IMMP2L: variants seen among roughly 807,000 people sequenced by gnomAD.
IMMP2L encodes the protein inner mitochondrial membrane peptidase subunit 2.
In IMMP2L, 18 loss-of-function variants were observed where a neutral mutation model predicts 19.3. The observed-to-expected ratio is 0.93, with a 90% CI of 0.64 to 1.38. The LOEUF (loss-of-function observed/expected upper bound fraction) is 1.38. Among genes scored for constraint, IMMP2L ranks in the 40% most tolerant of loss-of-function variants. IMMP2L has a pLI of 0.00. For synonymous variants in IMMP2L, 76 were observed against 73.0 expected (o/e 1.04, Z -0.21); for missense variants, 233 against 218.2 (o/e 1.07, Z -0.43).
chr7:110,684,377 A>G (rs1448093419), intron 5 of IMMP2L, among the ~76,000 whole-genome samples: 1 of 152,062 alleles, frequency 6.6e-6, no homozygotes, highest in Non-Finnish European at 1.5e-5. Context: ...AATGACAGAG[A>G]CAAATTAATT....
At chr7:111,469,068 A>C (rs1217239857) in intron 3 of IMMP2L, among the ~76,000 whole-genome samples, 1 of 152,028 alleles carries the variant, frequency 6.6e-6, no homozygotes, top group Admixed American at 6.6e-5. Context: ...AAGGGAAAAG[A>C]GAAGAGGGCC....
At chr7:111,477,664 C>T (rs1436652683) in intron 3 of IMMP2L, among the ~76,000 whole-genome samples, 1 of 151,916 alleles carries the variant, frequency 6.6e-6, no homozygotes, top group East Asian at 1.9e-4. Context: ...TATGGGAGGC[C>T]GAGGCAGGCA....
chr7:111,505,454 C>T (rs1403654739), intron 2 of IMMP2L, among the ~76,000 whole-genome samples: 1 of 152,010 alleles, frequency 6.6e-6, no homozygotes, highest in Non-Finnish European at 1.5e-5. Context: ...TACCATTTGA[C>T]CCAGCCATCC....
chr7:111,191,765 G>C (rs946893823), intron 3 of IMMP2L, among the ~76,000 whole-genome samples: 14 of 151,978 alleles, frequency 9.2e-5, no homozygotes, highest in African/African-American at 3.4e-4. Flanking sequence ...TTTTTTTAAA[G>C]GGCACTTCAA....
intron 3 of IMMP2L, among the ~76,000 whole-genome samples, chr7:111,328,297 T>A (rs1326849288): frequency 6.6e-6 from 1 of 151,600 alleles, no homozygotes; most frequent in African/African-American, 2.4e-5. Flanking sequence ...TCAGGAAAAA[T>A]AATTTAAACA....
At chr7:111,230,578 T>C (rs903398934) in intron 3 of IMMP2L, among the ~76,000 whole-genome samples, 5 of 152,198 alleles carry the variant, frequency 3.3e-5, no homozygotes, top group South Asian at 2.1e-4. Context: ...CTTTGTCTGA[T>C]AGAAAACTTT....
At chr7:110,936,768 C>G (rs1816156793) in intron 4 of IMMP2L, among the ~76,000 whole-genome samples, 1 of 152,120 alleles carries the variant, frequency 6.6e-6, no homozygotes, top group Non-Finnish European at 1.5e-5. Context: ...TATTACAGCA[C>G]TGTTAAAACA....
chr7:111,505,037 C>T (rs1431473776), intron 2 of IMMP2L, among the ~76,000 whole-genome samples: 1 of 152,060 alleles, frequency 6.6e-6, no homozygotes, highest in South Asian at 2.1e-4. Context: ...CAACAGGCAA[C>T]CTACAAAATG....
At chr7:111,418,024 A>C (rs1221961706) in intron 3 of IMMP2L, among the ~76,000 whole-genome samples, 1 of 151,824 alleles carries the variant, frequency 6.6e-6, no homozygotes, top group African/African-American at 2.4e-5. Context: ...AATCTATAAA[A>C]AATTATATTA....
intron 3 of IMMP2L, among the ~76,000 whole-genome samples, chr7:111,228,670 T>A (rs1251581760): frequency 6.6e-6 from 1 of 152,042 alleles, no homozygotes; most frequent in African/African-American, 2.4e-5. Context: ...TGAAATTTCC[T>A]CTATTGGGCA....
chr7:110,695,529 T>C (rs1416953793), intron 5 of IMMP2L, among the ~76,000 whole-genome samples: 1 of 152,080 alleles, frequency 6.6e-6, no homozygotes, highest in East Asian at 1.9e-4. Context: ...TTTTATGTTA[T>C]TTGAATTTCC....
chr7:110,737,147 G>T (rs1333706236), intron 5 of IMMP2L, among the ~76,000 whole-genome samples: 2 of 152,142 alleles, frequency 1.3e-5, no homozygotes, highest in Non-Finnish European at 2.9e-5. Flanking sequence ...AACTACAGCA[G>T]GAACACACCA....
chr7:111,211,133 T>C (rs1303058263), intron 3 of IMMP2L, among the ~76,000 whole-genome samples: 1 of 152,112 alleles, frequency 6.6e-6, no homozygotes, highest in Non-Finnish European at 1.5e-5. Flanking sequence ...TATAAATACT[T>C]CAAGGAAATA....
At chr7:110,683,110 G>GT (rs532432716) in intron 5 of IMMP2L, among the ~76,000 whole-genome samples, 75 of 152,014 alleles carry the variant, frequency 4.9e-4, no homozygotes, top group African/African-American at 1.5e-3. Flanking sequence ...AGCTATTTGG[G>GT]TTTTTTTATT....
At chr7:111,110,124 G>T (rs373978907) in intron 3 of IMMP2L, among the ~76,000 whole-genome samples, 1 of 152,146 alleles carries the variant, frequency 6.6e-6, no homozygotes, top group Non-Finnish European at 1.5e-5. Flanking sequence ...AACACAGTGA[G>T]ACTCTGTCTC....
rs1392595679 is a variant in IMMP2L at position 110,728,079 on chromosome 7, T to C, written c.409-64358A>G. Among the ~76,000 whole-genome samples the C allele has an allele frequency of 6.6e-6, 1 of 152,212 alleles. No homozygotes were observed. The highest frequency in any genetic ancestry group is 1.5e-5 in the Non-Finnish European group (1 of 68,044). ...GAAGAACAGGGGTACCAACAATATA[T>C]ACTTCATAATGTTGATGGGAAGATT... is the stretch of plus-strand genomic sequence containing the variant. On this transcript the variant is annotated intron_variant, in intron 5 of 5. Transcript: ENST00000405709. This position sits in a 1 kb window ranked among gnomAD's most constrained non-coding sequence, Gnocchi z 4.6.
chr7:111,088,834 A>G (rs1392908986), intron 3 of IMMP2L, among the ~76,000 whole-genome samples: 1 of 152,090 alleles, frequency 6.6e-6, no homozygotes, highest in Non-Finnish European at 1.5e-5. Context: ...TAAGTGAAAA[A>G]ACACCCAAAA....
chr7:111,288,546 A>T (rs747514951), intron 3 of IMMP2L, among the ~76,000 whole-genome samples: 1 of 152,212 alleles, frequency 6.6e-6, no homozygotes, highest in Non-Finnish European at 1.5e-5. Context: ...GCTAATATCC[A>T]GAATCTACAA....
At chr7:110,980,224 C>CTTATTT (rs1821130110) in intron 3 of IMMP2L, among the ~76,000 whole-genome samples, 1 of 61,298 alleles carries the variant, frequency 1.6e-5, no homozygotes. Context: ...ATTTGTGCTG[C>CTTATTT]TTCTTTTTTT....
Sources: allele counts gnomAD v4.1 joint callset (sites outside exome capture counted in the v4.1 genomes callset), GRCh38; gene constraint gnomAD v4.1.1; non-coding constraint Gnocchi (gnomAD v3.1); transcripts MANE v1.5; gene names NCBI Gene and HGNC (gene_info 2026-07-23, HGNC 2026-07-21).